The following BDNF variants were observed in gnomAD, a reference collection of about 807,000 sequenced individuals.
The protein encoded by BDNF is brain derived neurotrophic factor, also known as neurotrophic factor BDNF precursor form.
In BDNF, 1 loss-of-function variant was observed where a neutral mutation model predicts 19.5. That is an observed-to-expected ratio of 0.05 (90% confidence interval 0.02 to 0.24). The LOEUF (loss-of-function observed/expected upper bound fraction) is 0.24, where lower values mean the gene tolerates loss of function less well. Ranked by LOEUF, BDNF falls within the 10% of genes least tolerant of loss-of-function variation. The probability of loss-of-function intolerance (pLI) is 1.00; values close to 1 mark genes in which losing one functional copy is unlikely to be tolerated. For synonymous variants in BDNF, 100 were observed against 121.6 expected (o/e 0.82, Z 1.17); for missense variants, 195 against 317.6 (o/e 0.61, Z 2.93).
chr11:27,693,841 T>C (rs982477374), intron 1 of BDNF, among the ~76,000 whole-genome samples: 1 of 152,248 alleles, frequency 6.6e-6, no homozygotes, highest in Non-Finnish European at 1.5e-5. Context: ...GAACTACTGA[T>C]GATAGCAACT....
intron 1 of BDNF, among the ~76,000 whole-genome samples, chr11:27,705,803 G>T (rs916197940): frequency 2.0e-5 from 3 of 152,186 alleles, no homozygotes; most frequent in Non-Finnish European, 2.9e-5. Flanking sequence ...TCACTTCATA[G>T]TTACAGTCAT....
At chr11:27,691,250 C>T (rs1410285451) in intron 1 of BDNF, 1 of 152,078 alleles carries the variant, frequency 6.6e-6, no homozygotes, top group African/African-American at 2.4e-5. Flanking sequence ...TGGACCAGTC[C>T]TCTTTGGGAG....
chr11:27,672,318 G>A (rs886212902), intron 1 of BDNF, among the ~76,000 whole-genome samples: 1 of 152,232 alleles, frequency 6.6e-6, no homozygotes, highest in South Asian at 2.1e-4. Context: ...CCTGAACATA[G>A]CCTAATATCA....
intron 1 of BDNF, among the ~76,000 whole-genome samples, chr11:27,672,357 G>A (rs1449072657): frequency 3.3e-5 from 5 of 152,120 alleles, no homozygotes; most frequent in Admixed American, 2.0e-4. Context: ...TACTGGAAAC[G>A]ATATGACCAA....
intron 1 of BDNF, among the ~76,000 whole-genome samples, chr11:27,690,316 G>T (rs1368295020): frequency 6.6e-6 from 1 of 152,082 alleles, no homozygotes; most frequent in Non-Finnish European, 1.5e-5. Context: ...ATGGTCATTT[G>T]CCTGTCTGTC....
chr11:27,676,090 C>T (rs1472248495), intron 1 of BDNF: 1 of 152,190 alleles, frequency 6.6e-6, no homozygotes, highest in East Asian at 1.9e-4. Flanking sequence ...GGAGCAGCTG[C>T]AAGGAGCCTG....
At chr11:27,666,796 G>A (rs1339258198) in intron 1 of BDNF, among the ~76,000 whole-genome samples, 6 of 152,294 alleles carry the variant, frequency 3.9e-5, no homozygotes, top group Non-Finnish European at 5.9e-5. Context: ...CATCTGATTG[G>A]TGTACCTGAA....
At position 27,700,265 on chromosome 11, in the gene BDNF, T is replaced by C. The variant is rs1590463151; in HGVS notation, c.-123A>G. The C allele has an allele frequency of 1.0e-6, 1 of 985,104 alleles. No individual in the cohort carries two copies. The allele number at this position is 985,104 out of a possible 1,614,324, so 61.0% of individuals were successfully genotyped here. ...GCCCCGGTCCCCGTCGCGGTGCTGC[T>C]CCCCGCCGGCCCCACAGCAGCGGTG... On this transcript the variant is annotated 5_prime_UTR_variant, in exon 1 of 2. Transcript: ENST00000356660.
intron 1 of BDNF, among the ~76,000 whole-genome samples, chr11:27,672,713 A>G (rs1197053993): frequency 6.6e-6 from 1 of 152,160 alleles, no homozygotes; most frequent in Non-Finnish European, 1.5e-5. Context: ...AGGTAACCCA[A>G]TTTCTAGGTT....
At chr11:27,673,773 C>A (rs1855716811) in intron 1 of BDNF, among the ~76,000 whole-genome samples, 1 of 152,010 alleles carries the variant, frequency 6.6e-6, no homozygotes, top group South Asian at 2.1e-4. Flanking sequence ...ATCTTAGGAC[C>A]AAACTGCCGG....
rs1182832997 is a variant in BDNF at position 27,697,164 on chromosome 11, C to CACAGAGAGAG, written c.-22+2999_-22+3000insCTCTCTCTGT. Among the ~76,000 whole-genome samples the CACAGAGAGAG allele has an allele frequency of 4.5e-5, 6 of 133,086 alleles. No individual in the cohort carries two copies. In the South Asian group the frequency reaches 1.2e-3, roughly 26 times the overall value. The allele number at this position is 133,086 out of a possible 152,430, so 87.3% of individuals were successfully genotyped here. ...GCACGCACACACACACACACACACACAGAGAGAGAGAGAGAGAGAGAGAGA... is the reference window on the plus strand; with the variant it reads ...GCACGCACACACACACACACACACACACAGAGAGAGAGAGAGAGAGAGAGAGAGAGAGAGA... On this transcript the variant is annotated intron_variant, in intron 1 of 1. Transcript: ENST00000356660.
chr11:27,720,654 C>T, intron 1 of BDNF: 1 of 985,450 alleles, frequency 1.0e-6, no homozygotes, highest in Non-Finnish European at 1.2e-6. Context: ...CTGGGGGTAC[C>T]GCCACCTCGG....
chr11:27,658,985 A>G lies in BDNF; in HGVS notation c.-21-400T>C. ...TAAGCAACAACTGCAAGTGTAATTA[A>G]TAGTAATTTTTTTCAAGTTAGCAAC... On this transcript the variant is annotated intron_variant, in intron 1 of 1. Coordinates refer to ENST00000356660, the MANE Select transcript of BDNF (RefSeq NM_001709.5). The surrounding 1 kb of genome is among the most constrained non-coding windows in gnomAD (Gnocchi z 5.7). The G allele has an allele frequency of 9.1e-7, 1 of 1,097,024 alleles. No individual in the cohort carries two copies. The highest frequency in any genetic ancestry group is 1.1e-6 in the Non-Finnish European group (1 of 889,672). 68.0% of individuals were successfully genotyped at this position (1,097,024 alleles called of 1,614,324 possible).
Position 27,657,716 on chromosome 11 carries a change from T to G in BDNF, c.*105A>C. 1.3e-6 allele frequency: 2 copies of G among 1,539,354 alleles called. No individual in the cohort carries two copies. Among genetic ancestry groups the G allele is most frequent in the South Asian group, 2.5e-5 (2 of 81,384 alleles). ...TATAAACTTCATTTATACATGCAGT[T>G]CATAAAATTATTTTTTTCTTAACTG... On this transcript the variant is annotated 3_prime_UTR_variant, in exon 2 of 2. Transcript: ENST00000356660. This position sits in a 1 kb window ranked among gnomAD's most constrained non-coding sequence, Gnocchi z 5.0.
In BDNF at chr11:27,681,036, A is replaced by C. The variant is rs189046715; in HGVS notation, c.-22+19128T>G. 3.0e-4 allele frequency among the ~76,000 whole-genome samples: 45 copies of C among 152,376 alleles called. 1 individual carries two copies. Among genetic ancestry groups the C allele is most frequent in the Admixed American group, 2.7e-3 (41 of 15,302 alleles). ...AGATTAACCTCTCCTCTTTTCACAG[A>C]AAGAACAAGTAATGGGGATAAGAGA... On this transcript the variant is annotated intron_variant, in intron 1 of 1. Transcript: ENST00000356660.
At chr11:27,713,296 A>G (rs990727260) in intron 1 of BDNF, among the ~76,000 whole-genome samples, 1 of 152,238 alleles carries the variant, frequency 6.6e-6, no homozygotes, top group Non-Finnish European at 1.5e-5. Flanking sequence ...ATTGTTTCCT[A>G]CTAAAGTAGC....
chr11:27,720,220 C>A (rs1860695748), intron 1 of BDNF: 7 of 661,998 alleles, frequency 1.1e-5, no homozygotes, highest in Non-Finnish European at 1.3e-5. Context: ...TGGGCAAATA[C>A]CAAGAAACAA....
chr11:27,658,057 C>T lies in BDNF; in HGVS notation c.508G>A (p.Val170Ile), dbSNP rs77787410. 6 of 1,614,136 alleles carry T rather than the reference C, an allele frequency of 3.7e-6. No homozygotes were observed. In the Admixed American group the frequency reaches 8.3e-5, roughly 22 times the overall value. ...SGGTVTVLEK[V>I]PVSKGQLKQY... ...TTCAGTTGGCCTTTTGATACAGGGACCTTTTCAAGGACTGTGACCGTCCCG... is the reference window on the plus strand; with the variant it reads ...TTCAGTTGGCCTTTTGATACAGGGATCTTTTCAAGGACTGTGACCGTCCCG... Residue 170 changes from valine (V) to isoleucine (I), a missense_variant, in exon 2 of 2, where the codon GTC becomes ATC. Val to Ile is a conservative substitution (Grantham distance 29). Around this residue, in one of 2 missense-constraint regions of BDNF, gnomAD observed 71 missense variants for 162.6 expected, o/e 0.44. Coordinates refer to ENST00000356660, the MANE Select transcript of BDNF (RefSeq NM_001709.5). This position sits in a 1 kb window ranked among gnomAD's most constrained non-coding sequence, Gnocchi z 5.7.
In BDNF at chr11:27,656,223, T is replaced by C. The variant is rs1464102152; in HGVS notation, c.*1598A>G. 2 of 152,152 alleles carry C rather than the reference T, an allele frequency of 1.3e-5. No homozygotes were observed. The highest frequency in any genetic ancestry group is 2.9e-5 in the Non-Finnish European group (2 of 68,048). The allele number at this position is 152,152 out of a possible 1,614,324, so 9.4% of individuals were successfully genotyped here. On this transcript the variant is annotated 3_prime_UTR_variant, in exon 2 of 2. Transcript: ENST00000356660. ...AGTCTAGTTTCAAAGCAATAAGTGT[T>C]CAGGTAGCAAACATCTTCTATCTCA...
Sources: allele counts gnomAD v4.1 joint callset (sites outside exome capture counted in the v4.1 genomes callset), GRCh38; gene constraint gnomAD v4.1.1; regional missense constraint gnomAD v4.1.1; non-coding constraint Gnocchi (gnomAD v3.1); transcripts MANE v1.5; gene names NCBI Gene and HGNC (gene_info 2026-07-23, HGNC 2026-07-21).